The following NEDD4L variants were observed in gnomAD, a reference collection of about 807,000 sequenced individuals.
NEDD4L encodes NEDD4 like E3 ubiquitin protein ligase.
In NEDD4L, 54 loss-of-function variants were observed where a neutral mutation model predicts 148.9. That is an observed-to-expected ratio of 0.36 (90% CI 0.29 to 0.45). The LOEUF is 0.45. Ranked by LOEUF, NEDD4L falls within the 20% of genes least tolerant of loss-of-function variation. The probability of loss-of-function intolerance (pLI) is 1.00; values close to 1 mark genes in which losing one functional copy is unlikely to be tolerated. For missense variants in NEDD4L, 856 were observed against 1,233.8 expected, an observed-to-expected ratio of 0.69 and a Z score of 4.59; for synonymous variants, 433 against 440.7, an observed-to-expected ratio of 0.98 and a Z score of 0.22.
intron 1 of NEDD4L, among the ~76,000 whole-genome samples, chr18:58,113,508 A>G (rs890243897): frequency 6.6e-6 from 1 of 152,114 alleles, no homozygotes; most frequent in Non-Finnish European, 1.5e-5. Context: ...GCTGAGACCT[A>G]AAGGAAGGGG....
chr18:58,392,349 G>A (rs1040314811), intron 30 of NEDD4L, among the ~76,000 whole-genome samples: 6 of 152,190 alleles, frequency 3.9e-5, no homozygotes, highest in Non-Finnish European at 7.4e-5. Flanking sequence ...CTCATGCAGC[G>A]GGGGCTGCAA....
At chr18:58,212,310 C>T (rs964807869) in intron 2 of NEDD4L, among the ~76,000 whole-genome samples, 1 of 151,886 alleles carries the variant, frequency 6.6e-6, no homozygotes, top group Non-Finnish European at 1.5e-5. Context: ...CTAATAAAGA[C>T]ATACCTGAGA....
Position 58,360,704 on chromosome 18 carries a change from C to T in NEDD4L, c.1767+3452C>T, listed in dbSNP as rs1228436722. Among the ~76,000 whole-genome samples, 3 of 151,100 alleles carry T rather than the reference C, an allele frequency of 2.0e-5. No individual in the cohort carries two copies. The East Asian group carries it at 5.8e-4, about 29-fold the overall frequency. ...TCTCCCACTACGTCTGTAGACTCTC[C>T]TTAAGAGTGTAGATTATTGCCTAGT... is the stretch of plus-strand genomic sequence containing the variant. On this transcript the variant is annotated intron_variant, in intron 19 of 30. Coordinates refer to ENST00000400345, the MANE Select transcript of NEDD4L (RefSeq NM_001144967.3).
intron 5 of NEDD4L, among the ~76,000 whole-genome samples, chr18:58,284,287 G>A (rs1055937824): frequency 6.6e-6 from 1 of 152,226 alleles, no homozygotes; most frequent in Non-Finnish European, 1.5e-5. Context: ...AAAGTTTGGT[G>A]AAATCCTGGC....
In NEDD4L at chr18:58,256,408, A is replaced by C; in HGVS notation, c.297+4354A>C. 8.1e-7 allele frequency: 1 copy of C among 1,232,354 alleles called. No homozygotes were observed. Among genetic ancestry groups the C allele is most frequent in the Non-Finnish European group, 1.0e-6 (1 of 988,110 alleles). 76.3% of individuals were successfully genotyped at this position (1,232,354 alleles called of 1,614,324 possible). A position where few individuals can be genotyped will look rare whatever the true frequency, so the allele number is the denominator to read the frequency against. ...AGCCCCAACAAGGCGCTTCGGGGCC[A>C]GGCAGCGACCTCAACTTTGGCTTCA... is the stretch of plus-strand genomic sequence containing the variant. On this transcript the variant is annotated intron_variant, in intron 5 of 30. Transcript: ENST00000400345. This position sits in a 1 kb window ranked among gnomAD's most constrained non-coding sequence, Gnocchi z 5.2.
chr18:58,138,066 C>T lies in NEDD4L; in HGVS notation c.49-27722C>T, dbSNP rs1305550480. ...CATCACCCAGCCCATGCTCTCCTGC[C>T]GCCCCACTGAAGACTTCCTTCACCT... On this transcript the variant is annotated intron_variant, in intron 1 of 30. Coordinates refer to ENST00000400345, the MANE Select transcript of NEDD4L (RefSeq NM_001144967.3). Among the ~76,000 whole-genome samples, 3 of 152,220 alleles carry T rather than the reference C, an allele frequency of 2.0e-5. No homozygotes were observed. The East Asian group carries it at 5.8e-4, about 29-fold the overall frequency.
In NEDD4L at chr18:58,112,354, A is replaced by G. The variant is rs2085470464; in HGVS notation, c.49-53434A>G. 2.1e-5 allele frequency among the ~76,000 whole-genome samples: 3 copies of G among 141,842 alleles called. No individual in the cohort carries two copies. In the South Asian group the frequency reaches 7.0e-4, roughly 33 times the overall value. 93.1% of individuals were successfully genotyped at this position (141,842 alleles called of 152,430 possible). A position where few individuals can be genotyped will look rare whatever the true frequency, so the allele number is the denominator to read the frequency against. On this transcript the variant is annotated intron_variant, in intron 1 of 30. Transcript: ENST00000400345. ...TTGAGGAACTTAGGTGGTGGTTCCT[A>G]TTTGTCTTTATTTATTTATTTATTT... is the stretch of plus-strand genomic sequence containing the variant.
At position 58,370,012 on chromosome 18, in the gene NEDD4L, G is replaced by A. The variant is rs4149613; in HGVS notation, c.2186-385G>A. Among the ~76,000 whole-genome samples the A allele has an allele frequency of 9.1e-3, 1,391 of 152,302 alleles. 7 individuals carry two copies. Among genetic ancestry groups the A allele is most frequent in the South Asian group, 0.011 (54 of 4,824 alleles). ...CACCCCATGTGGGCTCTGCACTGCC[G>A]GCCCCTTCTCTGGCCTGTCTACCCG... On this transcript the variant is annotated intron_variant, in intron 22 of 30. Transcript: ENST00000400345.
At chr18:58,386,690 G>A (rs546047337) in intron 26 of NEDD4L, among the ~76,000 whole-genome samples, 6 of 152,278 alleles carry the variant, frequency 3.9e-5, no homozygotes, top group South Asian at 2.1e-4. Flanking sequence ...TCGTGTCCAC[G>A]TGACTGATTT....
In NEDD4L at chr18:58,085,027, T is replaced by C. The variant is rs918458885; in HGVS notation, c.48+40319T>C. ...GTCTTTGGGCACAAATATCCGCTAG[T>C]GTCTCATTGCGTGTCCACATTTCCT... is the stretch of plus-strand genomic sequence containing the variant. On this transcript the variant is annotated intron_variant, in intron 1 of 30. Coordinates refer to ENST00000400345, the MANE Select transcript of NEDD4L (RefSeq NM_001144967.3). 5.3e-5 allele frequency among the ~76,000 whole-genome samples: 8 copies of C among 152,266 alleles called. No homozygotes were observed. In the East Asian group the frequency reaches 1.4e-3, roughly 26 times the overall value.
At chr18:58,217,671 T>TC (rs781227726) in intron 2 of NEDD4L, among the ~76,000 whole-genome samples, 10 of 152,136 alleles carry the variant, frequency 6.6e-5, no homozygotes, top group Non-Finnish European at 1.3e-4. Context: ...AACTTTTTTT[T>TC]CCGACTGTAA....
rs545828320 is a variant in NEDD4L at position 58,136,612 on chromosome 18, G to A, written c.49-29176G>A. Among the ~76,000 whole-genome samples, 8 of 152,276 alleles carry A rather than the reference G, an allele frequency of 5.3e-5. No individual in the cohort carries two copies. In the South Asian group the frequency reaches 1.7e-3, roughly 32 times the overall value. On this transcript the variant is annotated intron_variant, in intron 1 of 30. Coordinates refer to ENST00000400345, the MANE Select transcript of NEDD4L (RefSeq NM_001144967.3). ...AGTTCCAAGTAGTGAGAGGTTGATG[G>A]ATTAGGACAGATTTAAGTAAAACTT...
At chr18:58,079,169 G>A (rs1308807966) in intron 1 of NEDD4L, among the ~76,000 whole-genome samples, 1 of 152,042 alleles carries the variant, frequency 6.6e-6, no homozygotes, top group African/African-American at 2.4e-5. Flanking sequence ...TCAGTTCCGG[G>A]GTTTAATTAC....
At chr18:58,185,085 C>G (rs1221989383) in intron 2 of NEDD4L, among the ~76,000 whole-genome samples, 1 of 152,176 alleles carries the variant, frequency 6.6e-6, no homozygotes, top group Non-Finnish European at 1.5e-5. Flanking sequence ...TCCTTGCTCT[C>G]AAGGCACTGT....
At chr18:58,261,136 A>G (rs947888146) in intron 5 of NEDD4L, among the ~76,000 whole-genome samples, 3 of 152,218 alleles carry the variant, frequency 2.0e-5, no homozygotes, top group Non-Finnish European at 4.4e-5. Context: ...TGTTTAATAA[A>G]TAGCTTTGAT....
chr18:58,356,865 A>G (rs1370893141), intron 18 of NEDD4L, among the ~76,000 whole-genome samples: 1 of 152,222 alleles, frequency 6.6e-6, no homozygotes, highest in Non-Finnish European at 1.5e-5. Context: ...CTAAATGAAA[A>G]TCAAGATCAA....
rs573475527 is a variant in NEDD4L at position 58,232,615 on chromosome 18, A to C, written c.123-12812A>C. Among the ~76,000 whole-genome samples the C allele has an allele frequency of 2.1e-4, 32 of 152,238 alleles. No individual in the cohort carries two copies. In the South Asian group the frequency reaches 4.4e-3, roughly 21 times the overall value. The stretch of plus-strand genomic sequence containing the variant: ...TATCCTATGGCACCCTTGTGTCGGG[A>C]TATAGGGGGCATCACCGTAATGTGG... On this transcript the variant is annotated intron_variant, in intron 2 of 30. Transcript: ENST00000400345.
intron 1 of NEDD4L, among the ~76,000 whole-genome samples, chr18:58,097,133 T>C (rs1323211002): frequency 6.6e-6 from 1 of 152,198 alleles, no homozygotes; most frequent in Non-Finnish European, 1.5e-5. Flanking sequence ...TGCACGAAGA[T>C]TGTTTTGTTC....
intron 5 of NEDD4L, among the ~76,000 whole-genome samples, chr18:58,310,161 TCTG>T (rs138216927): frequency 6.6e-6 from 1 of 152,358 alleles, no homozygotes; most frequent in African/African-American, 2.4e-5. Context: ...AGGGTTGAGT[TCTG>T]CTGCCTTCCA....
Sources: allele counts gnomAD v4.1 joint callset (sites outside exome capture counted in the v4.1 genomes callset), GRCh38; gene constraint gnomAD v4.1.1; non-coding constraint Gnocchi (gnomAD v3.1); transcripts MANE v1.5; gene names NCBI Gene and HGNC (gene_info 2026-07-23, HGNC 2026-07-21).